ALK: variants seen among roughly 807,000 people sequenced by gnomAD.
ALK encodes ALK receptor tyrosine kinase, also known as ALK tyrosine kinase receptor.
In ALK, 74 loss-of-function variants were observed where a neutral mutation model predicts 163.1. The observed-to-expected ratio is 0.45, with a 90% CI of 0.38 to 0.55. ALK has a LOEUF of 0.55. Among genes scored for constraint, ALK ranks in the 20% least tolerant of loss-of-function variants. The pLI is 0.00. For synonymous variants in ALK, 960 were observed against 843.2 expected, an observed-to-expected ratio of 1.14 and a Z score of -2.40; for missense variants, 2,063 against 2,105.3, an observed-to-expected ratio of 0.98 and a Z score of 0.39.
At chr2:29,508,807 A>G (rs573931986) in intron 4 of ALK, among the ~76,000 whole-genome samples, 1 of 148,760 alleles carries the variant, frequency 6.7e-6, no homozygotes, top group East Asian at 2.0e-4. Context: ...CAGAACATGC[A>G]TTTTACTAGA....
intron 5 of ALK, among the ~76,000 whole-genome samples, chr2:29,375,989 T>A (rs1668743926): frequency 6.6e-6 from 1 of 151,946 alleles, no homozygotes; most frequent in Admixed American, 6.5e-5. Flanking sequence ...ACAAATAACA[T>A]CTCTGACCAG....
chr2:29,434,445 G>A (rs1021367332), intron 4 of ALK, among the ~76,000 whole-genome samples: 5 of 152,184 alleles, frequency 3.3e-5, no homozygotes, highest in African/African-American at 1.2e-4. Context: ...AATTTGCATG[G>A]CTAAAATGGA....
chr2:29,849,881 G>A (rs77675961), intron 1 of ALK, among the ~76,000 whole-genome samples: 2,972 of 152,254 alleles, frequency 0.02, 87 homozygotes, highest in African/African-American at 0.069. Flanking sequence ...CTCCAATCTC[G>A]TGGTGCCAAT....
In ALK at chr2:29,693,733, T is replaced by C. The variant is rs144849559; in HGVS notation, c.952+1117A>G. ...CTGAGATGAGATTCTCTCGAGAATCTGGCCACAGAGCAGGCTCTGGTCCTG... is the reference window on the plus strand; with the variant it reads ...CTGAGATGAGATTCTCTCGAGAATCCGGCCACAGAGCAGGCTCTGGTCCTG... On this transcript the variant is annotated intron_variant, in intron 3 of 28. Transcript: ENST00000389048. Among the ~76,000 whole-genome samples the C allele has an allele frequency of 4.1e-4, 62 of 152,330 alleles. No individual in the cohort carries two copies. In the East Asian group the frequency reaches 0.01, roughly 25 times the overall value.
intron 2 of ALK, among the ~76,000 whole-genome samples, chr2:29,713,197 T>A (rs1328617089): frequency 2.0e-5 from 3 of 152,216 alleles, no homozygotes; most frequent in African/African-American, 7.2e-5. Context: ...CTGTGTTTTC[T>A]CTTCTTATAA....
chr2:29,756,793 C>T (rs894448467), intron 1 of ALK, among the ~76,000 whole-genome samples: 1 of 152,122 alleles, frequency 6.6e-6, no homozygotes, highest in African/African-American at 2.4e-5. Context: ...TTTCAAAGTG[C>T]TGGGATTACA....
intron 11 of ALK, among the ~76,000 whole-genome samples, chr2:29,273,728 T>C (rs933947107): frequency 6.6e-6 from 1 of 152,328 alleles, no homozygotes; most frequent in South Asian, 2.1e-4. Context: ...TATGTTTACT[T>C]AGCACACTAA....
At chr2:29,657,235 GA>G (rs556228158) in intron 3 of ALK, among the ~76,000 whole-genome samples, 79 of 152,254 alleles carry the variant, frequency 5.2e-4, no homozygotes, top group African/African-American at 1.7e-3. Context: ...GATAACATTG[GA>G]AAAGAAGGGA....
chr2:29,851,799 C>T (rs1031930770), intron 1 of ALK, among the ~76,000 whole-genome samples: 4 of 152,212 alleles, frequency 2.6e-5, no homozygotes, highest in African/African-American at 4.8e-5. Flanking sequence ...TCTGTTGTTA[C>T]CAAAGCACCT....
chr2:29,352,219 A>G (rs1668135698), intron 5 of ALK, among the ~76,000 whole-genome samples: 1 of 152,264 alleles, frequency 6.6e-6, no homozygotes, highest in African/African-American at 2.4e-5. Flanking sequence ...GGAAGAGCAC[A>G]TGAGATGTAT....
At chr2:29,626,796 C>T (rs145556023) in intron 3 of ALK, among the ~76,000 whole-genome samples, 1 of 152,294 alleles carries the variant, frequency 6.6e-6, no homozygotes, top group Non-Finnish European at 1.5e-5. Flanking sequence ...GGCTACCAAC[C>T]TATGGTATTT....
chr2:29,207,659 A>G (rs566574934), intron 25 of ALK, among the ~76,000 whole-genome samples: 100 of 152,338 alleles, frequency 6.6e-4, no homozygotes, highest in Non-Finnish European at 1.2e-3. Context: ...AAATGGGAGA[A>G]CTGAGAGCAG....
intron 23 of ALK, 108 bp from the exon 24 acceptor site, chr2:29,214,189 A>C: frequency 2.2e-6 from 2 of 908,224 alleles, no homozygotes; most frequent in Middle Eastern, 3.2e-4. Context: ...GTGAACATGC[A>C]GCTACACCAG....
rs1369519697 is a variant in ALK at position 29,221,108 on chromosome 2, G to A, written c.3516-273C>T. Reference sequence around the variant, plus strand: ...GTTGCTCAGGCACTTGGGTGAGGAAGTGTCTCAGGGGGCAGGAGAGTGTCT... The same window carrying A: ...GTTGCTCAGGCACTTGGGTGAGGAAATGTCTCAGGGGGCAGGAGAGTGTCT... On this transcript the variant is annotated intron_variant, in intron 22 of 28. Coordinates refer to ENST00000389048, the MANE Select transcript of ALK (RefSeq NM_004304.5). The A allele has an allele frequency of 5.0e-6, 3 of 596,588 alleles. No individual in the cohort carries two copies. The Admixed American group carries it at 6.5e-5, about 13-fold the overall frequency. 37.0% of individuals were successfully genotyped at this position (596,588 alleles called of 1,614,324 possible).
intron 2 of ALK, among the ~76,000 whole-genome samples, chr2:29,717,171 C>CAAAA (rs754615995): frequency 0.14 from 9,500 of 70,230 alleles, 1,529 homozygotes; most frequent in Middle Eastern, 0.23. Context: ...GACTCTGTCT[C>CAAAA]AAAAAAAAAA....
intron 1 of ALK, among the ~76,000 whole-genome samples, chr2:29,756,774 G>A (rs938710543): frequency 6.6e-6 from 1 of 152,046 alleles, no homozygotes; most frequent in Admixed American, 6.6e-5. Context: ...TGATCCACCC[G>A]CCTCAGCCTT....
chr2:29,867,686 A>G lies in ALK; in HGVS notation c.667+52307T>C, dbSNP rs533655056. On this transcript the variant is annotated intron_variant, in intron 1 of 28. Coordinates refer to ENST00000389048, the MANE Select transcript of ALK (RefSeq NM_004304.5). ...TTCAGAAGGGGACTGTGACATTTCA[A>G]TGGAGATTCATGGATTCCAAGCTTG... Among the ~76,000 whole-genome samples, 48 of 152,334 alleles carry G rather than the reference A, an allele frequency of 3.2e-4. No individual in the cohort carries two copies. The South Asian group carries it at 9.3e-3, about 30-fold the overall frequency.
chr2:29,644,400 A>T (rs542928510), intron 3 of ALK, among the ~76,000 whole-genome samples: 56 of 112,502 alleles, frequency 5.0e-4, no homozygotes, highest in East Asian at 2.4e-3. Flanking sequence ...AAGTATATTT[A>T]AAAAAAAAAA....
chr2:29,392,126 G>T (rs528778635), intron 4 of ALK, among the ~76,000 whole-genome samples: 1 of 152,286 alleles, frequency 6.6e-6, no homozygotes, highest in Non-Finnish European at 1.5e-5. Flanking sequence ...GGTGGGATTT[G>T]GGGGTTTTGG....
Sources: allele counts gnomAD v4.1 joint callset (sites outside exome capture counted in the v4.1 genomes callset), GRCh38; gene constraint gnomAD v4.1.1; transcripts MANE v1.5; gene names NCBI Gene and HGNC (gene_info 2026-07-23, HGNC 2026-07-21).